CEP128: variants seen among roughly 807,000 people sequenced by gnomAD.
CEP128 encodes the protein centrosomal protein 128kDa.
Under a neutral mutation model 156.7 loss-of-function variants are expected in CEP128, and 132 were observed. The observed-to-expected ratio is 0.84, with a 90% CI of 0.73 to 0.97. The LOEUF is 0.97. Among genes scored for constraint, CEP128 ranks in the 50% least tolerant of loss-of-function variants. CEP128 has a pLI of 0.00. For synonymous variants in CEP128, 469 were observed against 448.9 expected (o/e 1.04, Z -0.57); for missense variants, 1,252 against 1,281.9 (o/e 0.98, Z 0.36).
At chr14:80,883,188 C>T (rs369427430) in intron 8 of CEP128, among the ~76,000 whole-genome samples, 33 of 151,740 alleles carry the variant, frequency 2.2e-4, no homozygotes, top group South Asian at 6.2e-4. Context: ...ACTACCTACC[C>T]GCAAAATTTT....
chr14:80,499,629 G>T (rs905677159), intron 24 of CEP128, among the ~76,000 whole-genome samples: 2 of 152,078 alleles, frequency 1.3e-5, no homozygotes, highest in African/African-American at 4.8e-5. Context: ...TTAAAATCTG[G>T]TTTGGAGACA....
At chr14:80,758,910 T>A (rs1899815166) in intron 17 of CEP128, among the ~76,000 whole-genome samples, 1 of 152,204 alleles carries the variant, frequency 6.6e-6, no homozygotes, top group South Asian at 2.1e-4. Flanking sequence ...TCCAAGGTCA[T>A]ATATTAGAAA....
chr14:80,695,849 A>G (rs924412198), intron 19 of CEP128, among the ~76,000 whole-genome samples: 2 of 152,204 alleles, frequency 1.3e-5, no homozygotes, highest in African/African-American at 4.8e-5. Flanking sequence ...AAAGGTATAT[A>G]TAACATTACC....
At chr14:80,826,308 TA>T (rs898966876) in intron 13 of CEP128, among the ~76,000 whole-genome samples, 6 of 152,266 alleles carry the variant, frequency 3.9e-5, no homozygotes, top group African/African-American at 1.4e-4. Context: ...CTTTATAATC[TA>T]ATCTAGGTAT....
chr14:80,787,361 T>C (rs371286045), intron 14 of CEP128, among the ~76,000 whole-genome samples: 3 of 152,266 alleles, frequency 2.0e-5, no homozygotes, highest in East Asian at 3.9e-4. Flanking sequence ...GCCAACCTTG[T>C]TCCTTGGCTC....
chr14:80,739,384 T>C (rs2139576136), intron 19 of CEP128, among the ~76,000 whole-genome samples: 1 of 152,300 alleles, frequency 6.6e-6, no homozygotes, highest in South Asian at 2.1e-4. Context: ...CTAACTCTTT[T>C]GCCCTTGTTC....
intron 19 of CEP128, among the ~76,000 whole-genome samples, chr14:80,620,078 T>G (rs1179021977): frequency 1.3e-5 from 2 of 151,840 alleles, no homozygotes; most frequent in African/African-American, 4.8e-5. Flanking sequence ...TGAGCCGAGA[T>G]CGCACCATTG....
chr14:80,857,522 C>A (rs1206533136), intron 9 of CEP128, among the ~76,000 whole-genome samples: 3 of 151,806 alleles, frequency 2.0e-5, no homozygotes, highest in African/African-American at 7.3e-5. Context: ...CACTTGAGGT[C>A]AGGAGTTTAA....
chr14:80,542,149 G>A (rs780480620), intron 21 of CEP128, among the ~76,000 whole-genome samples: 32 of 152,274 alleles, frequency 2.1e-4, no homozygotes, highest in Non-Finnish European at 4.1e-4. Flanking sequence ...TATTTCCTAT[G>A]TGTATATGTA....
At chr14:80,641,365 T>G (rs1340610070) in intron 19 of CEP128, among the ~76,000 whole-genome samples, 1 of 152,346 alleles carries the variant, frequency 6.6e-6, no homozygotes, top group East Asian at 1.9e-4. Flanking sequence ...ATGTTTTATG[T>G]TCTTAACATA....
At position 80,749,487 on chromosome 14, in the gene CEP128, G is replaced by A. The variant is rs375180635; in HGVS notation, c.2614-6220C>T. 1.9e-4 allele frequency among the ~76,000 whole-genome samples: 29 copies of A among 152,278 alleles called. 1 individual carries two copies. The highest frequency in any genetic ancestry group is 1.7e-3 in the East Asian group (9 of 5,180). ...CCTGTCATCTGCAACAACATTTATG[G>A]AACTTGAGACATTATGTGAAGTGAA... On this transcript the variant is annotated intron_variant, in intron 18 of 24. Coordinates refer to ENST00000555265, the MANE Select transcript of CEP128 (RefSeq NM_152446.5).
intron 23 of CEP128, among the ~76,000 whole-genome samples, chr14:80,516,635 T>C (rs1283093506): frequency 6.6e-6 from 1 of 152,196 alleles, no homozygotes; most frequent in East Asian, 1.9e-4. Context: ...GGATGCATGA[T>C]TCCCTTCTGG....
At position 80,545,768 on chromosome 14, in the gene CEP128, C is replaced by T. The variant is rs767951247; in HGVS notation, c.2880+13511G>A. On this transcript the variant is annotated intron_variant, in intron 21 of 24. Transcript: ENST00000555265. ...TCTGTGTTAATGAGTAGGACAAAAT[C>T]CAGGAAAGCAGAGTAACACCAGGTT... 4.6e-5 allele frequency among the ~76,000 whole-genome samples: 7 copies of T among 152,204 alleles called. No individual in the cohort carries two copies. The East Asian group carries it at 1.2e-3, about 25-fold the overall frequency.
intron 19 of CEP128, among the ~76,000 whole-genome samples, chr14:80,633,095 T>C (rs1218900438): frequency 6.6e-6 from 1 of 151,904 alleles, no homozygotes; most frequent in Non-Finnish European, 1.5e-5. Flanking sequence ...GGTATGGTGA[T>C]GTGTGTCTGT....
At chr14:80,819,851 G>A (rs1002112538) in intron 13 of CEP128, among the ~76,000 whole-genome samples, 1 of 151,914 alleles carries the variant, frequency 6.6e-6, no homozygotes, top group South Asian at 2.1e-4. Flanking sequence ...ATTCTTAACA[G>A]GCCTTAAATC....
In CEP128 at chr14:80,785,356, AATTC is replaced by A; in HGVS notation, c.1746_1749del (p.Lys582AsnfsTer13). 6.2e-7 allele frequency: 1 copy of A among 1,614,102 alleles called. No individual in the cohort carries two copies. Among genetic ancestry groups the A allele is most frequent in the Non-Finnish European group, 8.5e-7 (1 of 1,179,994 alleles). On this transcript the variant is annotated frameshift_variant, in exon 15 of 25. Transcript: ENST00000555265. LOFTEE classifies it high-confidence loss of function. ...TCCAGTCTATGGATGGTATCCAGGGAATTCTTAACTTCCAATTCAAGGTCAGCTT... is the reference window on the plus strand; with the variant it reads ...TCCAGTCTATGGATGGTATCCAGGGATTAACTTCCAATTCAAGGTCAGCTT...
intron 13 of CEP128, among the ~76,000 whole-genome samples, chr14:80,819,938 G>A (rs1243776246): frequency 2.6e-5 from 4 of 152,072 alleles, no homozygotes; most frequent in African/African-American, 9.7e-5. Context: ...CATAAAACCT[G>A]AAACCAAACT....
At chr14:80,709,529 C>G (rs1454537903) in intron 19 of CEP128, among the ~76,000 whole-genome samples, 1 of 152,110 alleles carries the variant, frequency 6.6e-6, no homozygotes, top group Non-Finnish European at 1.5e-5. Context: ...CCTTTTCATT[C>G]TTCCAAATGA....
At chr14:80,744,251 G>A (rs988147281) in intron 18 of CEP128, among the ~76,000 whole-genome samples, 5 of 152,018 alleles carry the variant, frequency 3.3e-5, no homozygotes, top group Non-Finnish European at 5.9e-5. Context: ...AATACAGCAG[G>A]ATTTCAGTCA....
Sources: allele counts gnomAD v4.1 joint callset (sites outside exome capture counted in the v4.1 genomes callset), GRCh38; gene constraint gnomAD v4.1.1; transcripts MANE v1.5; gene names NCBI Gene and HGNC (gene_info 2026-07-23, HGNC 2026-07-21).